Variants in BTG4 observed in about 807,000 individuals in gnomAD.
The protein encoded by BTG4 is protein BTG4.
A neutral mutation model predicts 19.3 loss-of-function variants in BTG4; 10 were observed. The observed-to-expected ratio is 0.52, with a 90% confidence interval of 0.32 to 0.88. The LOEUF is 0.88. Among genes scored for constraint, BTG4 ranks in the 40% least tolerant of loss-of-function variants. The pLI, the probability that BTG4 is intolerant of heterozygous loss-of-function variation, is 0.04. For synonymous variants in BTG4, 91 were observed against 95.7 expected (o/e 0.95, Z 0.29); for missense variants, 238 against 281.9 (o/e 0.84, Z 1.11).
intron 5 of BTG4, among the ~76,000 whole-genome samples, chr11:111,477,932 C>T (rs1430093915): frequency 6.6e-6 from 1 of 152,136 alleles, no homozygotes; most frequent in Non-Finnish European, 1.5e-5. Context: ...CAGTATGGAT[C>T]AAGTCATCCC....
At chr11:111,476,160 A>ACACACAC in intron 5 of BTG4, among the ~76,000 whole-genome samples, 1 of 151,710 alleles carries the variant, frequency 6.6e-6, no homozygotes, top group Non-Finnish European at 1.5e-5. Context: ...ACACACACAC[A>ACACACAC]ATAAAATATT....
chr11:111,460,777 T>A, the BTG4 span, among the ~76,000 whole-genome samples: 2 of 152,222 alleles, frequency 1.3e-5, no homozygotes, highest in African/African-American at 4.8e-5. Context: ...AGACTTTAAA[T>A]TTTTGAAAAT....
At chr11:111,487,951 T>C (rs1162483444) in intron 5 of BTG4, among the ~76,000 whole-genome samples, 1 of 151,736 alleles carries the variant, frequency 6.6e-6, no homozygotes, top group Non-Finnish European at 1.5e-5. Flanking sequence ...ATGAAAGAAA[T>C]TGAAGAGCAC....
chr11:111,496,909 A>C (rs983608560), intron 4 of BTG4: 8 of 357,660 alleles, frequency 2.2e-5, no homozygotes, highest in East Asian at 3.9e-5. Flanking sequence ...AAATCCCACT[A>C]ATCTTAATCT....
At position 111,482,837 on chromosome 11, in the gene BTG4, GA is replaced by G. The variant is rs34239854; in HGVS notation, c.662+12325del. On this transcript the variant is annotated intron_variant, in intron 5 of 5. Coordinates refer to the BTG4 transcript ENST00000356018. Reference sequence around the variant, plus strand: ...ACTAAATGTAAAACATAAAACTTTAGAAAAAAAAAAACTTCAGGATCTAGAG... The same window carrying G: ...ACTAAATGTAAAACATAAAACTTTAGAAAAAAAAAACTTCAGGATCTAGAG... Among the ~76,000 whole-genome samples, 132 of 143,764 alleles carry G rather than the reference GA, an allele frequency of 9.2e-4. 1 individual carries two copies. Among genetic ancestry groups the G allele is most frequent in the African/African-American group, 2.6e-3 (104 of 39,344 alleles). 94.3% of individuals were successfully genotyped at this position (143,764 alleles called of 152,430 possible).
the BTG4 span, among the ~76,000 whole-genome samples, chr11:111,426,916 C>T: frequency 2.6e-5 from 4 of 152,178 alleles, no homozygotes; most frequent in African/African-American, 9.7e-5. Flanking sequence ...AGCTCACCAG[C>T]GCCATCAGAA....
chr11:111,391,648 G>C, the BTG4 span, among the ~76,000 whole-genome samples: 7 of 152,014 alleles, frequency 4.6e-5, no homozygotes, highest in African/African-American at 1.7e-4. Context: ...TGTGTTCCAA[G>C]CTGCTTGTGA....
the BTG4 span, among the ~76,000 whole-genome samples, chr11:111,419,675 G>A: frequency 0.07 from 10,601 of 152,284 alleles, 1,173 homozygotes; most frequent in African/African-American, 0.24. Context: ...CAAGCCACCA[G>A]CAAGTACCAG....
At chr11:111,434,574 TA>T in the BTG4 span, among the ~76,000 whole-genome samples, 2 of 149,740 alleles carry the variant, frequency 1.3e-5, no homozygotes, top group African/African-American at 2.4e-5. Flanking sequence ...TAATAAATTT[TA>T]AAAAAAATAA....
At chr11:111,493,133 G>A (rs959400300), downstream of BTG4, among the ~76,000 whole-genome samples, 2 of 152,120 alleles carry the variant, frequency 1.3e-5, no homozygotes, top group Non-Finnish European at 2.9e-5. Context: ...GCAACAAAGT[G>A]AGACTCTGTC....
At chr11:111,425,695 A>G in the BTG4 span, among the ~76,000 whole-genome samples, 2 of 152,172 alleles carry the variant, frequency 1.3e-5, no homozygotes, top group Non-Finnish European at 2.9e-5. Flanking sequence ...AACCAAGCAG[A>G]CTACACTCAA....
chr11:111,497,988 G>C lies in BTG4; in HGVS notation c.311+10C>G. On this transcript the variant is annotated intron_variant, in intron 3 of 4. Transcript: ENST00000692032. ...GTATCACACAGCACACAAACTATGA[G>C]ATTACTCACCTACAGCATACTTCAA... 1 of 1,613,016 alleles carries C rather than the reference G, an allele frequency of 6.2e-7. No individual in the cohort carries two copies. Among genetic ancestry groups the C allele is most frequent in the Non-Finnish European group, 8.5e-7 (1 of 1,179,268 alleles).
intron 1 of BTG4, among the ~76,000 whole-genome samples, chr11:111,500,147 AT>A (rs745694843): frequency 1.4e-3 from 204 of 149,972 alleles, no homozygotes; most frequent in African/African-American, 2.6e-3. Flanking sequence ...GTCTCAAAAA[AT>A]AAAAATAAAA....
chr11:111,457,754 A>C, the BTG4 span: 20 of 59,064 alleles, frequency 3.4e-4, no homozygotes, highest in East Asian at 1.9e-3. Context: ...GCTCACTTCC[A>C]CCCTTGTGCC....
chr11:111,468,681 A>G (rs1396505042), intron 5 of BTG4, among the ~76,000 whole-genome samples: 2 of 152,226 alleles, frequency 1.3e-5, no homozygotes, highest in East Asian at 3.8e-4. Flanking sequence ...ACTTGATTAC[A>G]ATAAAGGCAT....
At chr11:111,486,058 T>G (rs1459859337) in intron 5 of BTG4, among the ~76,000 whole-genome samples, 1 of 152,206 alleles carries the variant, frequency 6.6e-6, no homozygotes, top group Non-Finnish European at 1.5e-5. Context: ...AAAACCTGAA[T>G]AGACCAATAA....
At chr11:111,441,000 G>C in the BTG4 span, among the ~76,000 whole-genome samples, 1 of 152,162 alleles carries the variant, frequency 6.6e-6, no homozygotes, top group African/African-American at 2.4e-5. Flanking sequence ...ATCTGGCCCA[G>C]ACCAGCTGCA....
chr11:111,508,117 C>T (rs1392773758), intron 1 of BTG4, among the ~76,000 whole-genome samples: 2 of 152,206 alleles, frequency 1.3e-5, no homozygotes, highest in Non-Finnish European at 1.5e-5. Context: ...GGAAGTTAAT[C>T]TTATTCCGTT....
rs529681139 is a variant in BTG4 at position 111,467,736 on chromosome 11, C to G, written c.663-55G>C. The G allele has an allele frequency of 6.8e-6, 5 of 734,828 alleles. No individual in the cohort carries two copies. The South Asian group carries it at 7.6e-5, about 11-fold the overall frequency. 45.5% of individuals were successfully genotyped at this position (734,828 alleles called of 1,614,324 possible). ...AAAAGAACAAATTTTATAATTTTTT[C>G]CTAAAATCCTGACATATTTTATTCC... On this transcript the variant is annotated intron_variant, in intron 5 of 5. Transcript: ENST00000356018.
Sources: gnomAD v4.1 joint callset for allele counts (sites outside exome capture counted in the v4.1 genomes callset) on GRCh38, gnomAD v4.1.1 for gene constraint, MANE v1.5 for transcripts, NCBI Gene and HGNC (gene_info 2026-07-23, HGNC 2026-07-21) for gene names.